The following DPP10 variants were observed in gnomAD, a reference collection of about 807,000 sequenced individuals.
The protein encoded by DPP10 is dipeptidyl peptidase like 10.
DPP10 carries 33 observed loss-of-function variants against 120.9 expected under a neutral mutation model. That is an observed-to-expected ratio of 0.27 (90% confidence interval 0.21 to 0.37). The LOEUF is 0.37. Among genes scored for constraint, DPP10 ranks in the 10% least tolerant of loss-of-function variants. The pLI, the probability that DPP10 is intolerant of heterozygous loss-of-function variation, is 1.00. For missense variants in DPP10, 816 were observed against 942.8 expected (o/e 0.87, Z 1.76); for synonymous variants, 337 against 326.1 (o/e 1.03, Z -0.36).
intron 1 of DPP10, among the ~76,000 whole-genome samples, chr2:114,810,317 A>C (rs970501506): frequency 4.6e-5 from 7 of 152,208 alleles, no homozygotes; most frequent in African/African-American, 1.7e-4. Flanking sequence ...ATTCTGACGC[A>C]CAGATCAAAG....
chr2:115,014,923 C>G (rs369589777), intron 1 of DPP10, among the ~76,000 whole-genome samples: 12 of 148,152 alleles, frequency 8.1e-5, no homozygotes, highest in Admixed American at 5.4e-4. Context: ...ACCAGAGGTA[C>G]AAAGAGGAGC....
Position 114,799,290 on chromosome 2 carries a change from A to G in DPP10, c.60+356452A>G, listed in dbSNP as rs867765075. ...CAAAACTAACCCCAACGTCTTTTCA[A>G]GGTCATCTATAACACACACAATGCA... On this transcript the variant is annotated intron_variant, in intron 1 of 25. Coordinates refer to ENST00000410059, the MANE Select transcript of DPP10 (RefSeq NM_020868.6). Among the ~76,000 whole-genome samples the G allele has an allele frequency of 2.1e-4, 32 of 152,316 alleles. No homozygotes were observed. In the Middle Eastern group the frequency reaches 0.014, roughly 65 times the overall value.
intron 1 of DPP10, among the ~76,000 whole-genome samples, chr2:115,104,930 C>T (rs575231431): frequency 6.6e-6 from 1 of 151,866 alleles, no homozygotes; most frequent in Non-Finnish European, 1.5e-5. Context: ...TGCTTGAACC[C>T]AGGAGCCAGA....
intron 3 of DPP10, among the ~76,000 whole-genome samples, chr2:115,362,219 C>G (rs763033840): frequency 2.6e-4 from 40 of 152,094 alleles, no homozygotes; most frequent in Non-Finnish European, 5.7e-4. Context: ...AAGGAAATTT[C>G]TAGAGATAAC....
intron 1 of DPP10, among the ~76,000 whole-genome samples, chr2:114,852,151 CTTTT>C (rs34580352): frequency 5.6e-5 from 3 of 53,728 alleles, no homozygotes; most frequent in East Asian, 4.9e-4. Context: ...CGATTGCATC[CTTTT>C]TTTTTTTTTT....
At chr2:115,516,254 G>C (rs776661011) in intron 4 of DPP10, among the ~76,000 whole-genome samples, 17 of 152,112 alleles carry the variant, frequency 1.1e-4, no homozygotes, top group Non-Finnish European at 2.4e-4. Context: ...TCTGGAGGCA[G>C]CTCTTGATTG....
chr2:114,929,979 C>T (rs753251441), intron 1 of DPP10, among the ~76,000 whole-genome samples: 27 of 152,172 alleles, frequency 1.8e-4, no homozygotes, highest in East Asian at 3.9e-4. Flanking sequence ...CCAGTCCCTC[C>T]GTTCAGGGTC....
chr2:115,826,769 T>C (rs1042481157), intron 21 of DPP10, among the ~76,000 whole-genome samples: 1 of 152,218 alleles, frequency 6.6e-6, no homozygotes, highest in Non-Finnish European at 1.5e-5. Context: ...CCACTCCATC[T>C]TTCTTTGGAT....
At chr2:115,693,645 T>A (rs1209916816) in intron 7 of DPP10, among the ~76,000 whole-genome samples, 2 of 152,202 alleles carry the variant, frequency 1.3e-5, no homozygotes, top group Non-Finnish European at 2.9e-5. Context: ...ATGCATTTTC[T>A]TTATTTGTTA....
chr2:115,621,653 T>G, intron 5 of DPP10, among the ~76,000 whole-genome samples: 1 of 152,200 alleles, frequency 6.6e-6, no homozygotes, highest in Admixed American at 6.5e-5. Flanking sequence ...TACCTGTTAT[T>G]AAAAAAAATT....
At chr2:114,944,674 CTGAA>C (rs1697216126) in intron 1 of DPP10, among the ~76,000 whole-genome samples, 1 of 152,170 alleles carries the variant, frequency 6.6e-6, no homozygotes, top group Non-Finnish European at 1.5e-5. Context: ...ATGACTATCA[CTGAA>C]TGAGCGCTAA....
At chr2:115,307,514 G>C (rs1394513067) in intron 1 of DPP10, among the ~76,000 whole-genome samples, 5 of 152,190 alleles carry the variant, frequency 3.3e-5, no homozygotes, top group Admixed American at 3.3e-4. Flanking sequence ...AGTATTTATG[G>C]TTCTTGGCCC....
At chr2:115,593,392 G>T (rs1454226920) in intron 5 of DPP10, among the ~76,000 whole-genome samples, 1 of 152,168 alleles carries the variant, frequency 6.6e-6, no homozygotes, top group Non-Finnish European at 1.5e-5. Context: ...TGGACCAAGA[G>T]TTCAAGTGAA....
chr2:115,452,763 A>G (rs1308488827), intron 3 of DPP10, among the ~76,000 whole-genome samples: 1 of 151,884 alleles, frequency 6.6e-6, no homozygotes, highest in Non-Finnish European at 1.5e-5. Flanking sequence ...CCTTTTAAAT[A>G]CTGATCAAAA....
intron 1 of DPP10, among the ~76,000 whole-genome samples, chr2:114,541,585 T>C (rs1686959269): frequency 6.6e-6 from 1 of 152,132 alleles, no homozygotes; most frequent in Admixed American, 6.5e-5. Flanking sequence ...AAGCTTTAAG[T>C]TAAAGAAGTT....
At chr2:114,966,398 A>C (rs1699034751) in intron 1 of DPP10, among the ~76,000 whole-genome samples, 1 of 152,054 alleles carries the variant, frequency 6.6e-6, no homozygotes, top group Non-Finnish European at 1.5e-5. Context: ...TTAGTTCCTG[A>C]GAGTAGCTTG....
intron 7 of DPP10, among the ~76,000 whole-genome samples, chr2:115,711,308 G>T (rs1327829841): frequency 2.0e-5 from 3 of 152,112 alleles, no homozygotes; most frequent in East Asian, 1.9e-4. Context: ...GGACAATTTG[G>T]TAAGTACTGT....
chr2:114,874,662 A>G (rs898432754), intron 1 of DPP10, among the ~76,000 whole-genome samples: 3 of 152,060 alleles, frequency 2.0e-5, no homozygotes, highest in African/African-American at 7.2e-5. Context: ...AATAAATGTA[A>G]TGTACTAGAA....
At chr2:115,805,898 T>G (rs139232059) in intron 19 of DPP10, among the ~76,000 whole-genome samples, 1 of 152,222 alleles carries the variant, frequency 6.6e-6, no homozygotes, top group African/African-American at 2.4e-5. Flanking sequence ...CATAAGAACT[T>G]GTACTCTCAC....
Sources: allele counts gnomAD v4.1 joint callset (sites outside exome capture counted in the v4.1 genomes callset), GRCh38; gene constraint gnomAD v4.1.1; transcripts MANE v1.5; gene names NCBI Gene and HGNC (gene_info 2026-07-23, HGNC 2026-07-21).